The following IPO5 variants were observed in gnomAD, a reference collection of about 807,000 sequenced individuals.
IPO5 encodes the protein importin-5.
In IPO5, 18 loss-of-function variants were observed where a neutral mutation model predicts 143.3. That is an observed-to-expected ratio of 0.13 (90% CI 0.09 to 0.19). The LOEUF (loss-of-function observed/expected upper bound fraction) is 0.19. IPO5 is among the 10% of genes least tolerant of loss of function. The pLI is 1.00. For synonymous variants in IPO5, 477 were observed against 465.7 expected, an observed-to-expected ratio of 1.02 and a Z score of -0.31; for missense variants, 1,013 against 1,336.9, an observed-to-expected ratio of 0.76 and a Z score of 3.78.
chr13:97,996,473 A>G (rs530241146), intron 11 of IPO5, among the ~76,000 whole-genome samples: 42 of 152,336 alleles, frequency 2.8e-4, no homozygotes, highest in African/African-American at 9.9e-4. Flanking sequence ...TTAATAAAAG[A>G]TGTGGAACTG....
At chr13:97,980,034 G>T (rs1362895923) in intron 4 of IPO5, 3 of 444,012 alleles carry the variant, frequency 6.8e-6, no homozygotes, top group Non-Finnish European at 9.0e-6. Context: ...AGAAGTCTTT[G>T]CATTGTGTAA....
At chr13:97,977,493 C>T (rs141417157) in intron 4 of IPO5, among the ~76,000 whole-genome samples, 99 of 152,266 alleles carry the variant, frequency 6.5e-4, no homozygotes, top group African/African-American at 2.0e-3. Context: ...TCTTTGCTCT[C>T]TAGAGAATCG....
In IPO5 at chr13:97,969,175, A is replaced by ATATTTTTTT. The variant is rs1234384302; in HGVS notation, c.-112-547_-112-546insATTTTTTTT. Among the ~76,000 whole-genome samples the ATATTTTTTT allele has an allele frequency of 1.5e-3, 65 of 43,910 alleles. 3 individuals carry two copies. The highest frequency in any genetic ancestry group is 3.9e-3 in the African/African-American group (37 of 9,448). 28.8% of individuals were successfully genotyped at this position (43,910 alleles called of 152,430 possible). A position where few individuals can be genotyped will look rare whatever the true frequency, so the allele number is the denominator to read the frequency against. On this transcript the variant is annotated intron_variant, in intron 2 of 28. Coordinates refer to ENST00000651721, the MANE Select transcript of IPO5 (RefSeq NM_002271.6). Reference sequence around the variant, plus strand: ...TAAGTATATATATATATATATATATATTTTTTTTTTTTTTTTTTTTTTTTG... The same window carrying ATATTTTTTT: ...TAAGTATATATATATATATATATATATATTTTTTTTTTTTTTTTTTTTTTTTTTTTTTTG...
chr13:97,969,168 TATATA>T (rs1885594016), intron 2 of IPO5, among the ~76,000 whole-genome samples: 1 of 80,784 alleles, frequency 1.2e-5, no homozygotes, highest in African/African-American at 6.2e-5. Flanking sequence ...TATATATATA[TATATA>T]TATTTTTTTT....
chr13:97,958,964 G>C (rs949251705), intron 2 of IPO5, among the ~76,000 whole-genome samples: 2 of 151,862 alleles, frequency 1.3e-5, no homozygotes, highest in African/African-American at 4.8e-5. Context: ...CTGAGGTCAG[G>C]AGTTCAAGAC....
chr13:97,984,623 A>G (rs1887173000), intron 5 of IPO5, among the ~76,000 whole-genome samples: 1 of 152,150 alleles, frequency 6.6e-6, no homozygotes, highest in South Asian at 2.1e-4. Context: ...TTTCTCGGTG[A>G]AAAGTAATGG....
At chr13:97,976,310 C>A (rs1374321410) in intron 3 of IPO5, among the ~76,000 whole-genome samples, 1 of 151,640 alleles carries the variant, frequency 6.6e-6, no homozygotes, top group African/African-American at 2.4e-5. Flanking sequence ...ACCCCGACCC[C>A]GATCCCAGCC....
At chr13:97,969,175 A>ATTTTTTTTTTTTTTTTTTTTTT (rs60300496) in intron 2 of IPO5, among the ~76,000 whole-genome samples, 1 of 43,896 alleles carries the variant, frequency 2.3e-5, no homozygotes, top group Non-Finnish European at 4.0e-5. Context: ...ATATATATAT[A>ATTTTTTTTTTTTTTTTTTTTTT]TTTTTTTTTT....
chr13:97,991,384 A>G (rs1388437806), intron 9 of IPO5, among the ~76,000 whole-genome samples: 1 of 152,226 alleles, frequency 6.6e-6, no homozygotes, highest in Non-Finnish European at 1.5e-5. Flanking sequence ...AAACTGGACT[A>G]ATAGCAAAGA....
At chr13:98,013,968 C>T (rs59462030) in intron 21 of IPO5, 74 bp from the exon 22 acceptor site, 1 of 1,329,080 alleles carries the variant, frequency 7.5e-7, no homozygotes. Flanking sequence ...CCTAGCACTC[C>T]TTTTAGTGCA....
intron 3 of IPO5, among the ~76,000 whole-genome samples, chr13:97,972,675 G>A (rs1006333022): frequency 3.3e-5 from 5 of 152,176 alleles, no homozygotes; most frequent in South Asian, 2.1e-4. Flanking sequence ...ACATTACTTC[G>A]GGGCAGTTTT....
chr13:98,022,481 A>G lies in IPO5; in HGVS notation c.*659A>G, dbSNP rs901823823. ...CTCCTCAATAAACAACATTGAATAC[A>G]AAAGAGGCTTGTGTAAAAACTCAGT... On this transcript the variant is annotated 3_prime_UTR_variant, in exon 29 of 29. Coordinates refer to ENST00000651721, the MANE Select transcript of IPO5 (RefSeq NM_002271.6). The G allele has an allele frequency of 6.6e-6, 1 of 152,670 alleles. No homozygotes were observed. Among genetic ancestry groups the G allele is most frequent in the African/African-American group, 2.4e-5 (1 of 41,468 alleles). 9.5% of individuals were successfully genotyped at this position (152,670 alleles called of 1,614,324 possible). A position where few individuals can be genotyped will look rare whatever the true frequency, so the allele number is the denominator to read the frequency against.
chr13:98,020,238 T>C (rs550539564), intron 27 of IPO5, among the ~76,000 whole-genome samples: 1 of 152,308 alleles, frequency 6.6e-6, no homozygotes, highest in Non-Finnish European at 1.5e-5. Flanking sequence ...GTCTGTTTTC[T>C]AAGTCCAAGT....
At chr13:98,014,292 A>AT in intron 22 of IPO5, 78 bp downstream of exon 22, 1 of 1,102,568 alleles carries the variant, frequency 9.1e-7, no homozygotes, top group South Asian at 1.6e-5. Flanking sequence ...AAAAAAAAAA[A>AT]TTTGAGACAG....
chr13:98,014,069 T>C lies in IPO5; in HGVS notation c.2180T>C (p.Met727Thr), dbSNP rs1342902079. 1 of 1,610,162 alleles carries C rather than the reference T, an allele frequency of 6.2e-7. No individual in the cohort carries two copies. The highest frequency in any genetic ancestry group is 1.1e-5 in the South Asian group (1 of 89,696). ...GTTCGAGTGGCAGCAGCGGAATCCA[T>C]GCCTCTTCTCCTGGAGTGTGCAAGA... Reference protein sequence around the residue: ...DGVRVAAAESMPLLLECARVR... With the variant: ...DGVRVAAAESTPLLLECARVR... The change falls in exon 22 of 29, where the codon ATG (methionine) becomes ACG (threonine). Residue 727 changes from methionine to threonine, a missense_variant. Transcript: ENST00000651721.
chr13:98,015,557 C>G lies in IPO5; in HGVS notation c.2353C>G (p.Leu785Val). 6.2e-7 allele frequency: 1 copy of G among 1,609,034 alleles called. No homozygotes were observed. The change falls in exon 23 of 29, where the codon CTT (leucine) becomes GTT (valine). Residue 785 changes from leucine to valine, a missense_variant. By Grantham distance (32) the Leu-to-Val change is conservative. Transcript: ENST00000651721. Reference protein sequence around the residue: ...KCIEVMGDGCLNNEHFEELGG... With the variant: ...KCIEVMGDGCVNNEHFEELGG... ...CATTGAAGTAATGGGAGATGGATGCCTTAATAATGAACACTTTGAAGAACT... is the reference window on the plus strand; with the variant it reads ...CATTGAAGTAATGGGAGATGGATGCGTTAATAATGAACACTTTGAAGAACT...
chr13:97,973,749 C>T (rs1436725807), intron 3 of IPO5, among the ~76,000 whole-genome samples: 1 of 152,170 alleles, frequency 6.6e-6, no homozygotes, highest in Non-Finnish European at 1.5e-5. Context: ...CTGAAATAAT[C>T]TTAGGTTTAC....
intron 9 of IPO5, 117 bp downstream of exon 9, chr13:97,990,654 A>G (rs908770908): frequency 5.1e-5 from 29 of 570,800 alleles, no homozygotes; most frequent in African/African-American, 4.9e-4. Context: ...GGCATACAGC[A>G]GTGAACAAAA....
At position 98,023,949 on chromosome 13, in the gene IPO5, A is replaced by G. The variant is rs1346499019; in HGVS notation, c.*2127A>G. 1 of 152,190 alleles carries G rather than the reference A, an allele frequency of 6.6e-6. No individual in the cohort carries two copies. The highest frequency in any genetic ancestry group is 1.5e-5 in the Non-Finnish European group (1 of 68,040). The allele number at this position is 152,190 out of a possible 1,614,324, so 9.4% of individuals were successfully genotyped here. ...TTTTAATACCTCATTCTGTCTATGC[A>G]AGATGAAAATCCATGGAGTTTTTTC... On this transcript the variant is annotated 3_prime_UTR_variant, in exon 29 of 29. Coordinates refer to ENST00000651721, the MANE Select transcript of IPO5 (RefSeq NM_002271.6).
Sources: gnomAD v4.1 joint callset for allele counts (sites outside exome capture counted in the v4.1 genomes callset) on GRCh38, gnomAD v4.1.1 for gene constraint, MANE v1.5 for transcripts, NCBI Gene and HGNC (gene_info 2026-07-23, HGNC 2026-07-21) for gene names.